Variants in SIRPA observed in about 807,000 individuals in gnomAD.
SIRPA encodes tyrosine-protein phosphatase non-receptor type substrate 1.
SIRPA carries 9 observed loss-of-function variants against 50.3 expected under a neutral mutation model. That is an observed-to-expected ratio of 0.18 (90% confidence interval 0.11 to 0.31). SIRPA has a LOEUF of 0.31. SIRPA is among the 10% of genes least tolerant of loss of function. The pLI, the probability that SIRPA is intolerant of heterozygous loss-of-function variation, is 1.00. For missense variants in SIRPA, 474 were observed against 661.6 expected, an observed-to-expected ratio of 0.72 and a Z score of 3.11; for synonymous variants, 265 against 284.1, an observed-to-expected ratio of 0.93 and a Z score of 0.68.
intron 2 of SIRPA, among the ~76,000 whole-genome samples, chr20:1,916,104 T>C (rs1255072228): frequency 1.3e-5 from 2 of 152,224 alleles, no homozygotes; most frequent in Admixed American, 6.5e-5. Flanking sequence ...GACTGATTCA[T>C]GCGTCACTAA....
rs1475834892 is a variant in SIRPA, at chr20:1,922,357, A to G, written c.799A>G (p.Asn267Asp). The change falls in exon 4 of 8, where the codon AAC (asparagine) becomes GAC (aspartate). Residue 267 changes from asparagine (N) to aspartate (D), a missense_variant. Asn to Asp is a conservative substitution (Grantham distance 23). Coordinates refer to ENST00000358771, the MANE Select transcript of SIRPA (RefSeq NM_001040023.2). ...EVTQQPVRAENQVNVTCQVRK... is the reference protein window; with the variant it reads ...EVTQQPVRAEDQVNVTCQVRK... ...TACTCAACAGCCCGTGAGGGCAGAG[A>G]ACCAGGTGAATGTCACCTGCCAGGT... 16 of 1,614,194 alleles carry G rather than the reference A, an allele frequency of 9.9e-6. No individual in the cohort carries two copies. The highest frequency in any genetic ancestry group is 1.0e-5 in the Non-Finnish European group (12 of 1,180,024).
intron 1 of SIRPA, among the ~76,000 whole-genome samples, chr20:1,911,769 C>T (rs1023588569): frequency 5.3e-5 from 8 of 152,108 alleles, no homozygotes; most frequent in Admixed American, 1.3e-4. Flanking sequence ...CCTGCCCAGC[C>T]GCCCTCCTCT....
chr20:1,898,910 C>T lies in SIRPA; in HGVS notation c.79+3384C>T, dbSNP rs908437869. On this transcript the variant is annotated intron_variant, in intron 1 of 7. Coordinates refer to ENST00000358771, the MANE Select transcript of SIRPA (RefSeq NM_001040023.2). This position sits in a 1 kb window ranked among gnomAD's most constrained non-coding sequence, Gnocchi z 4.3. The stretch of plus-strand genomic sequence containing the variant: ...CCATCTGGGCTGCTGAGCTCTGGAG[C>T]CCCCAGAGCTGGAATATTCCTCCCT... Among the ~76,000 whole-genome samples the T allele has an allele frequency of 2.6e-5, 4 of 151,992 alleles. No homozygotes were observed. The highest frequency in any genetic ancestry group is 7.3e-5 in the African/African-American group (3 of 41,360).
intron 2 of SIRPA, 46 bp from the exon 3 acceptor site, chr20:1,921,349 T>C: frequency 6.2e-7 from 1 of 1,609,512 alleles, no homozygotes; most frequent in Non-Finnish European, 8.5e-7. Flanking sequence ...TCGTTAGTGA[T>C]TGTCATCTGA....
intron 1 of SIRPA, among the ~76,000 whole-genome samples, chr20:1,903,552 C>T (rs765405515): frequency 2.6e-5 from 4 of 152,162 alleles, no homozygotes; most frequent in Admixed American, 6.5e-5. Flanking sequence ...AAACCTTTTT[C>T]GGTTTCCAGC....
At chr20:1,904,692 C>T (rs1300199136) in intron 1 of SIRPA, among the ~76,000 whole-genome samples, 5 of 152,204 alleles carry the variant, frequency 3.3e-5, no homozygotes, top group Non-Finnish European at 5.9e-5. Flanking sequence ...ATTTTAAAAG[C>T]TCCATCTTTT....
In SIRPA at chr20:1,898,480, G is replaced by A. The variant is rs1983960185; in HGVS notation, c.79+2954G>A. ...CAACATTCATTAGATAGTTAATGGC[G>A]TTCCAGGCCGGATGCTGCTCCTGCG... On this transcript the variant is annotated intron_variant, in intron 1 of 7. Coordinates refer to ENST00000358771, the MANE Select transcript of SIRPA (RefSeq NM_001040023.2). The surrounding 1 kb of genome is among the most constrained non-coding windows in gnomAD (Gnocchi z 4.3). 6.6e-6 allele frequency among the ~76,000 whole-genome samples: 1 copy of A among 152,224 alleles called. No individual in the cohort carries two copies. Among genetic ancestry groups the A allele is most frequent in the East Asian group, 1.9e-4 (1 of 5,156 alleles).
At chr20:1,897,454 A>G (rs1983899099) in intron 1 of SIRPA, among the ~76,000 whole-genome samples, 2 of 152,232 alleles carry the variant, frequency 1.3e-5, no homozygotes, top group South Asian at 2.1e-4. Context: ...GGGCCTGGGC[A>G]GGGAAGTCAC....
intron 1 of SIRPA, among the ~76,000 whole-genome samples, chr20:1,911,871 AC>A (rs1264657224): frequency 1.3e-5 from 2 of 151,284 alleles, no homozygotes; most frequent in Non-Finnish European, 2.9e-5. Flanking sequence ...GTGACCCCAG[AC>A]CCAGAGCCAG....
In SIRPA at chr20:1,918,360, C is replaced by CCTTTTTTTTTTTT. The variant is rs745958149; in HGVS notation, c.436+2905_436+2906insCTTTTTTTTTTTT. ...ACAGGGGCACCCACCACCACACCAG[C>CCTTTTTTTTTTTT]TTTTTTTTTTTTTTTTTTTTTTTGT... On this transcript the variant is annotated intron_variant, in intron 2 of 7. Transcript: ENST00000358771. Among the ~76,000 whole-genome samples the CCTTTTTTTTTTTT allele has an allele frequency of 2.2e-4, 21 of 95,686 alleles. 1 individual carries two copies. Among genetic ancestry groups the CCTTTTTTTTTTTT allele is most frequent in the Non-Finnish European group, 2.2e-4 (11 of 49,064 alleles). The allele number at this position is 95,686 out of a possible 152,430, so 62.8% of individuals were successfully genotyped here. A position where few individuals can be genotyped will look rare whatever the true frequency, so the allele number is the denominator to read the frequency against.
Position 1,921,493 on chromosome 20 carries a change from G to T in SIRPA, c.535G>T (p.Asp179Tyr). The T allele has an allele frequency of 6.2e-7, 1 of 1,614,034 alleles. No homozygotes were observed. The highest frequency in any genetic ancestry group is 8.5e-7 in the Non-Finnish European group (1 of 1,179,912). The change falls in exon 3 of 8, where the codon GAC becomes TAC. Residue 179 changes from aspartate (D) to tyrosine (Y), a missense_variant. Transcript: ENST00000358771. ...CGAGTCCCACGGCTTCTCACCCAGA[G>T]ACATCACCCTGAAATGGTTCAAAAA... ...TCESHGFSPR[D>Y]ITLKWFKNGN...
At position 1,937,376 on chromosome 20, in the gene SIRPA, TC is replaced by T; in HGVS notation, c.1327del (p.Gln443ArgfsTer70). The T allele has an allele frequency of 6.2e-7, 1 of 1,613,940 alleles. No individual in the cohort carries two copies. The highest frequency in any genetic ancestry group is 8.5e-7 in the Non-Finnish European group (1 of 1,179,984). On this transcript the variant is annotated frameshift_variant, in exon 8 of 8. Coordinates refer to ENST00000358771, the MANE Select transcript of SIRPA (RefSeq NM_001040023.2). LOFTEE classifies it high-confidence loss of function. This position sits in a 1 kb window ranked among gnomAD's most constrained non-coding sequence, Gnocchi z 8.3. ...ACCTGCCCAAGGGGAAGAAGCCTGC[TC>T]CCCAGGCTGCGGAGCCCAACAACCA... is the stretch of plus-strand genomic sequence containing the variant. ...LNLPKGKKPA[P>X]QAAEPNNHTE... is the part of the protein sequence containing the mutation.
chr20:1,901,280 C>T (rs938836589), intron 1 of SIRPA, among the ~76,000 whole-genome samples: 7 of 146,756 alleles, frequency 4.8e-5, no homozygotes, highest in Non-Finnish European at 1.5e-5. Flanking sequence ...AAGCAATTCT[C>T]CTATCTCAGC....
intron 1 of SIRPA, among the ~76,000 whole-genome samples, chr20:1,908,581 ACTC>A (rs1457463621): frequency 2.0e-5 from 3 of 150,488 alleles, no homozygotes; most frequent in South Asian, 2.1e-4. Context: ...TCTCTTTCAC[ACTC>A]CTCCTTGTGC....
At chr20:1,922,053 A>AT (rs1270826852) in intron 3 of SIRPA, among the ~76,000 whole-genome samples, 1 of 152,212 alleles carries the variant, frequency 6.6e-6, no homozygotes, top group African/African-American at 2.4e-5. Context: ...TTCCAACTGC[A>AT]TGCCAGGGGT....
chr20:1,927,429 T>G lies in SIRPA; in HGVS notation c.1202-446T>G, dbSNP rs1986045951. Among the ~76,000 whole-genome samples, 1 of 151,852 alleles carries G rather than the reference T, an allele frequency of 6.6e-6. No individual in the cohort carries two copies. Among genetic ancestry groups the G allele is most frequent in the African/African-American group, 2.4e-5 (1 of 41,314 alleles). Reference sequence around the variant, plus strand: ...GAGAGAGGAAGTGACCCACCCGGGGTCACATGGTGAGTGAGTGGGTAGCAG... The same window carrying G: ...GAGAGAGGAAGTGACCCACCCGGGGGCACATGGTGAGTGAGTGGGTAGCAG... On this transcript the variant is annotated intron_variant, in intron 5 of 7. Transcript: ENST00000358771. The surrounding 1 kb of genome is among the most constrained non-coding windows in gnomAD (Gnocchi z 6.5).
rs1022705670 is a variant in SIRPA, at chr20:1,928,819, T to C, written c.1226+920T>C. 2.6e-5 allele frequency among the ~76,000 whole-genome samples: 4 copies of C among 152,184 alleles called. No homozygotes were observed. The highest frequency in any genetic ancestry group is 6.5e-5 in the Admixed American group (1 of 15,284). Reference sequence around the variant, plus strand: ...AAGACCCAGGTCCTCGGCATCCCGGTGTCCTTTGCAGATGCCCCTGCAGTC... The same window carrying C: ...AAGACCCAGGTCCTCGGCATCCCGGCGTCCTTTGCAGATGCCCCTGCAGTC... On this transcript the variant is annotated intron_variant, in intron 6 of 7. Coordinates refer to ENST00000358771, the MANE Select transcript of SIRPA (RefSeq NM_001040023.2). This position sits in a 1 kb window ranked among gnomAD's most constrained non-coding sequence, Gnocchi z 4.9.
chr20:1,921,558 C>T lies in SIRPA; in HGVS notation c.600C>T (p.Pro200=), dbSNP rs575025914. ...CAGACTTCCAGACCAACGTGGACCC[C>T]GTAGGAGAGAGCGTGTCCTACAGCA... ...ELSDFQTNVD[P]VGESVSYSIH... The change falls in exon 3 of 8, where the codon CCC becomes CCT. Residue 200 remains proline, a synonymous_variant. Coordinates refer to ENST00000358771, the MANE Select transcript of SIRPA (RefSeq NM_001040023.2). 69 of 1,614,062 alleles carry T rather than the reference C, an allele frequency of 4.3e-5. No individual in the cohort carries two copies. The highest frequency in any genetic ancestry group is 5.1e-5 in the Non-Finnish European group (60 of 1,180,040).
In SIRPA at chr20:1,916,347, G is replaced by T. The variant is rs1490473098; in HGVS notation, c.436+892G>T. On this transcript the variant is annotated intron_variant, in intron 2 of 7. Transcript: ENST00000358771. ...TACAGGTGGAAACTTGAAGTCAGGA[G>T]ATGACAGGGGCCTTGTCCACAGTCA... is the stretch of plus-strand genomic sequence containing the variant. 2.6e-5 allele frequency among the ~76,000 whole-genome samples: 4 copies of T among 152,336 alleles called. No homozygotes were observed. In the East Asian group the frequency reaches 7.7e-4, roughly 29 times the overall value.
Sources: allele counts gnomAD v4.1 joint callset (sites outside exome capture counted in the v4.1 genomes callset), GRCh38; gene constraint gnomAD v4.1.1; non-coding constraint Gnocchi (gnomAD v3.1); transcripts MANE v1.5; gene names NCBI Gene and HGNC (gene_info 2026-07-23, HGNC 2026-07-21).